Variants in LCP2 observed in about 807,000 individuals in gnomAD.
The protein encoded by LCP2 is 76 kDa tyrosine phosphoprotein.
A neutral mutation model predicts 74.5 loss-of-function variants in LCP2; 29 were observed. That is an observed-to-expected ratio of 0.39 (90% CI 0.29 to 0.53). The LOEUF is 0.53. LCP2 is among the 20% of genes least tolerant of loss of function. The probability of loss-of-function intolerance (pLI) is 0.72; values close to 1 mark genes in which losing one functional copy is unlikely to be tolerated. For synonymous variants in LCP2, 228 were observed against 229.5 expected (o/e 0.99, Z 0.06); for missense variants, 604 against 634.6 (o/e 0.95, Z 0.52).
chr5:170,255,644 T>C (rs1240807391), intron 17 of LCP2, among the ~76,000 whole-genome samples: 1 of 152,194 alleles, frequency 6.6e-6, no homozygotes, highest in Non-Finnish European at 1.5e-5. Context: ...TTAAAGTGCC[T>C]ACCAAGTGCC....
intron 1 of LCP2, 115 bp from the exon 2 acceptor site, chr5:170,293,487 C>T: frequency 2.1e-6 from 2 of 934,376 alleles, no homozygotes; most frequent in East Asian, 2.7e-5. Flanking sequence ...TAGCCAGGCT[C>T]CCCACTGCCC....
At chr5:170,261,938 A>G (rs950778502) in intron 13 of LCP2, among the ~76,000 whole-genome samples, 5 of 152,138 alleles carry the variant, frequency 3.3e-5, no homozygotes, top group Admixed American at 6.5e-5. Context: ...TAAAAACATT[A>G]CTCTAAAATG....
rs182528698 is a variant in LCP2, at chr5:170,282,618, G to C, written c.188+5352C>G. On this transcript the variant is annotated intron_variant, in intron 3 of 20. Coordinates refer to ENST00000046794, the MANE Select transcript of LCP2 (RefSeq NM_005565.5). Reference sequence around the variant, plus strand: ...ATAGAATAGTTAAAAAGCTAAAATTGTTCTAATTGGGATTTTACATAAAGC... The same window carrying C: ...ATAGAATAGTTAAAAAGCTAAAATTCTTCTAATTGGGATTTTACATAAAGC... 3.3e-5 allele frequency among the ~76,000 whole-genome samples: 5 copies of C among 152,266 alleles called. No individual in the cohort carries two copies. The East Asian group carries it at 7.7e-4, about 23-fold the overall frequency.
At position 170,248,790 on chromosome 5, in the gene LCP2, G is replaced by A. The variant is rs1187893589; in HGVS notation, c.1509C>T (p.Asp503=). 3 of 1,612,332 alleles carry A rather than the reference G, an allele frequency of 1.9e-6. No homozygotes were observed. Among genetic ancestry groups the A allele is most frequent in the Non-Finnish European group, 2.5e-6 (3 of 1,178,976 alleles). ...GCAGAAGTGGCATTTTCCTGAAGTAGTCAATAATATCTGACACAGACAGAA... is the reference window on the plus strand; with the variant it reads ...GCAGAAGTGGCATTTTCCTGAAGTAATCAATAATATCTGACACAGACAGAA... The part of the protein sequence containing the change: ...EDFLSVSDII[D]YFRKMPLLLI... The change falls in exon 21 of 21, where the codon GAC becomes GAT. Residue 503 remains aspartate, a synonymous_variant. Transcript: ENST00000046794.
At chr5:170,263,059 A>G in intron 10 of LCP2, 67 bp from the exon 11 acceptor site, 2 of 1,563,074 alleles carry the variant, frequency 1.3e-6, no homozygotes, top group South Asian at 1.1e-5. Flanking sequence ...TTAAAAACAC[A>G]GTTTGATGAA....
At chr5:170,251,713 TG>T (rs1561965447) in intron 19 of LCP2, 1 of 453,796 alleles carries the variant, frequency 2.2e-6, no homozygotes, top group Non-Finnish European at 4.4e-6. Flanking sequence ...TTCACAGTCT[TG>T]GCTTCAAATT....
intron 14 of LCP2, among the ~76,000 whole-genome samples, chr5:170,259,423 G>T (rs1581059975): frequency 6.6e-6 from 1 of 152,102 alleles, no homozygotes; most frequent in South Asian, 2.1e-4. Context: ...TGGCTTACAA[G>T]GTTCATCTAC....
intron 6 of LCP2, 104 bp from the exon 7 acceptor site, chr5:170,271,021 G>C (rs546972014): frequency 9.8e-7 from 1 of 1,021,554 alleles, no homozygotes; most frequent in Non-Finnish European, 1.4e-6. Context: ...AGTATAACCC[G>C]GGACCAGGCA....
rs1450865640 is a variant in LCP2, at chr5:170,272,546, G to T, written c.325-1629C>A. On this transcript the variant is annotated intron_variant, in intron 6 of 20. Transcript: ENST00000046794. The stretch of plus-strand genomic sequence containing the variant: ...TAATTATATAACTAGGAGCTTTCCA[G>T]CAAGATAGACTAAATGAGATCGGTT... Among the ~76,000 whole-genome samples, 3 of 139,166 alleles carry T rather than the reference G, an allele frequency of 2.2e-5. No individual in the cohort carries two copies. In the Admixed American group the frequency reaches 2.3e-4, roughly 11 times the overall value. 91.3% of individuals were successfully genotyped at this position (139,166 alleles called of 152,430 possible).
At chr5:170,277,219 C>T (rs1483681124) in intron 3 of LCP2, among the ~76,000 whole-genome samples, 1 of 152,084 alleles carries the variant, frequency 6.6e-6, no homozygotes, top group Non-Finnish European at 1.5e-5. Context: ...ACGCACACAC[C>T]CCTGTGTCAG....
At chr5:170,285,340 G>C (rs181775450) in intron 3 of LCP2, among the ~76,000 whole-genome samples, 133 of 152,152 alleles carry the variant, frequency 8.7e-4, no homozygotes, top group Admixed American at 3.6e-3. Flanking sequence ...TGTCAGTTAT[G>C]GGTCAGTTTT....
At chr5:170,264,394 A>C (rs1367544494) in intron 10 of LCP2, among the ~76,000 whole-genome samples, 2 of 152,218 alleles carry the variant, frequency 1.3e-5, no homozygotes, top group African/African-American at 4.8e-5. Flanking sequence ...ACACCCAGGC[A>C]CAGTTAGTGC....
In LCP2 at chr5:170,297,764, C is replaced by T. The variant is rs530239491; in HGVS notation, c.-153G>A. 2.8e-5 allele frequency: 15 copies of T among 527,690 alleles called. No homozygotes were observed. The highest frequency in any genetic ancestry group is 1.1e-4 in the Admixed American group (3 of 28,402). 32.7% of individuals were successfully genotyped at this position (527,690 alleles called of 1,614,324 possible). ...CTGTTGGAGCCGATGTCTTTTCTGG[C>T]GTAGCCAGATCCCAGAAAGCAACGG... On this transcript the variant is annotated 5_prime_UTR_variant, in exon 1 of 21. Transcript: ENST00000046794.
At chr5:170,288,429 G>C (rs1762222418) in intron 2 of LCP2, among the ~76,000 whole-genome samples, 2 of 152,200 alleles carry the variant, frequency 1.3e-5, no homozygotes, top group South Asian at 2.1e-4. Flanking sequence ...GTCAGCTGCA[G>C]AGAAGCCAGC....
At chr5:170,296,228 A>G (rs1762380746) in intron 1 of LCP2, among the ~76,000 whole-genome samples, 1 of 152,236 alleles carries the variant, frequency 6.6e-6, no homozygotes, top group South Asian at 2.1e-4. Flanking sequence ...CCAGTTGCGC[A>G]ACAATATTTG....
intron 3 of LCP2, among the ~76,000 whole-genome samples, chr5:170,282,643 C>A (rs1762123781): frequency 6.6e-6 from 1 of 152,214 alleles, no homozygotes; most frequent in African/African-American, 2.4e-5. Flanking sequence ...TTACATAAAG[C>A]AAGAATAGCC....
At position 170,265,257 on chromosome 5, in the gene LCP2, G is replaced by C. The variant is rs182289517; in HGVS notation, c.772+1551C>G. Among the ~76,000 whole-genome samples, 20 of 152,200 alleles carry C rather than the reference G, an allele frequency of 1.3e-4. No individual in the cohort carries two copies. The East Asian group carries it at 3.7e-3, about 28-fold the overall frequency. On this transcript the variant is annotated intron_variant, in intron 10 of 20. Coordinates refer to ENST00000046794, the MANE Select transcript of LCP2 (RefSeq NM_005565.5). Reference sequence around the variant, plus strand: ...CCGCCTCAGCCTCCCAAAGTGCTGGGATTACAGGCATGAGCCACCATGCCC... The same window carrying C: ...CCGCCTCAGCCTCCCAAAGTGCTGGCATTACAGGCATGAGCCACCATGCCC...
rs192857025 is a variant in LCP2 at position 170,281,487 on chromosome 5, A to G, written c.189-5627T>C. ...AGTAGAAACAGCGTTTCACTGTGTT[A>G]GCCAGGATGGTCTCGATCTCCTGAC... On this transcript the variant is annotated intron_variant, in intron 3 of 20. Coordinates refer to ENST00000046794, the MANE Select transcript of LCP2 (RefSeq NM_005565.5). 3.1e-3 allele frequency among the ~76,000 whole-genome samples: 468 copies of G among 152,270 alleles called. 4 individuals are homozygous for G. Among genetic ancestry groups the G allele is most frequent in the Middle Eastern group, 3.4e-3 (1 of 294 alleles).
chr5:170,252,171 T>C, intron 19 of LCP2: 1 of 293,220 alleles, frequency 3.4e-6, no homozygotes. Context: ...AGACAGACTC[T>C]TTCATTAATA....
Sources: allele counts gnomAD v4.1 joint callset (sites outside exome capture counted in the v4.1 genomes callset), GRCh38; gene constraint gnomAD v4.1.1; transcripts MANE v1.5; gene names NCBI Gene and HGNC (gene_info 2026-07-23, HGNC 2026-07-21).